DIAPH3: variants seen among roughly 807,000 people sequenced by gnomAD.
The protein encoded by DIAPH3 is diaphanous related formin 3.
DIAPH3 carries 117 observed loss-of-function variants against 144.3 expected under a neutral mutation model. The observed-to-expected ratio is 0.81, with a 90% CI of 0.70 to 0.95. The LOEUF (loss-of-function observed/expected upper bound fraction) is 0.95, where lower values mean the gene tolerates loss of function less well. Ranked by LOEUF, DIAPH3 falls within the 40% of genes least tolerant of loss-of-function variation. The pLI is 0.00. For synonymous variants in DIAPH3, 519 were observed against 488.9 expected (o/e 1.06, Z -0.81); for missense variants, 1,421 against 1,412.7 (o/e 1.01, Z -0.09).
At chr13:60,023,225 C>G (rs1015636622) in intron 5 of DIAPH3, among the ~76,000 whole-genome samples, 1 of 151,154 alleles carries the variant, frequency 6.6e-6, no homozygotes, top group Non-Finnish European at 1.5e-5. Flanking sequence ...AGTCAGAGGG[C>G]CATCCAAATT....
At chr13:60,145,226 G>A (rs984791414) in intron 1 of DIAPH3, among the ~76,000 whole-genome samples, 2 of 152,150 alleles carry the variant, frequency 1.3e-5, no homozygotes, top group African/African-American at 4.8e-5. Flanking sequence ...ACTATGATGG[G>A]ACAGCCAGCT....
Position 59,894,572 on chromosome 13 carries a change from G to GC in DIAPH3, c.2368-15105dup, listed in dbSNP as rs796995456. Among the ~76,000 whole-genome samples, 95 of 93,718 alleles carry GC rather than the reference G, an allele frequency of 1.0e-3. 1 individual carries two copies. The highest frequency in any genetic ancestry group is 3.4e-3 in the African/African-American group (77 of 22,656). 61.5% of individuals were successfully genotyped at this position (93,718 alleles called of 152,430 possible). A position where few individuals can be genotyped will look rare whatever the true frequency, so the allele number is the denominator to read the frequency against. The stretch of plus-strand genomic sequence containing the variant: ...GAAGAAAAGGAAAGAAGTCTCCCCT[G>GC]CCCCCCCACCCCTCAAAAGCACATA... On this transcript the variant is annotated intron_variant, in intron 20 of 27. Coordinates refer to ENST00000400324, the MANE Select transcript of DIAPH3 (RefSeq NM_001042517.2).
chr13:60,111,245 G>A (rs2058559866), intron 3 of DIAPH3, among the ~76,000 whole-genome samples: 1 of 152,114 alleles, frequency 6.6e-6, no homozygotes, highest in South Asian at 2.1e-4. Context: ...CCAGAAAAAG[G>A]TTAGGCATCC....
intron 27 of DIAPH3, among the ~76,000 whole-genome samples, chr13:59,678,309 C>G (rs887349471): frequency 6.6e-6 from 1 of 151,852 alleles, no homozygotes; most frequent in East Asian, 1.9e-4. Flanking sequence ...TCATGTATTT[C>G]TAGAAAATGA....
chr13:59,916,222 G>A lies in DIAPH3; in HGVS notation c.2198C>T (p.Pro733Leu). 6.2e-7 allele frequency: 1 copy of A among 1,613,164 alleles called. No individual in the cohort carries two copies. Among genetic ancestry groups the A allele is most frequent in the Non-Finnish European group, 8.5e-7 (1 of 1,179,454 alleles). Residue 733 changes from proline to leucine, a missense_variant, in exon 19 of 28, where the codon CCA becomes CTA. Coordinates refer to ENST00000400324, the MANE Select transcript of DIAPH3 (RefSeq NM_001042517.2). ...TATCATCATTCTGATTTCCTCATAT[G>A]GCACCCGAAAAGAGCTCAGGAAGAT... ...LSIFLSSFRV[P>L]YEEIRMMILE...
chr13:59,987,971 T>C (rs1414949536), intron 12 of DIAPH3, among the ~76,000 whole-genome samples: 1 of 151,868 alleles, frequency 6.6e-6, no homozygotes, highest in African/African-American at 2.4e-5. Flanking sequence ...TAATGACTTT[T>C]AACATACTTT....
In DIAPH3 at chr13:59,810,685, G is replaced by T. The variant is rs561798248; in HGVS notation, c.3163+103C>A. 1.9e-4 allele frequency: 230 copies of T among 1,223,494 alleles called. No individual in the cohort carries two copies. The African/African-American group carries it at 3.1e-3, about 17-fold the overall frequency. 75.8% of individuals were successfully genotyped at this position (1,223,494 alleles called of 1,614,324 possible). On this transcript the variant is annotated intron_variant, in intron 25 of 27. Coordinates refer to ENST00000400324, the MANE Select transcript of DIAPH3 (RefSeq NM_001042517.2). ...CTATGGTTTAATTACAGAAACAAGT[G>T]GTTGTATTTTCCTTTTTCACTAAGT...
intron 20 of DIAPH3, among the ~76,000 whole-genome samples, chr13:59,898,134 C>CAAAAAAAAAAAAAAAAAAAAAAAAA (rs34238599): frequency 7.8e-4 from 56 of 72,166 alleles, no homozygotes; most frequent in Middle Eastern, 0.019. Context: ...GACTCTGCCT[C>CAAAAAAAAAAAAAAAAAAAAAAAAA]AAAAAAAAAA....
At chr13:60,104,592 A>ACACACACACT (rs1334152263) in intron 3 of DIAPH3, among the ~76,000 whole-genome samples, 2 of 151,816 alleles carry the variant, frequency 1.3e-5, no homozygotes, top group African/African-American at 4.8e-5. Context: ...ACACACACAC[A>ACACACACACT]CACGATGAGA....
intron 18 of DIAPH3, 140 bp from the exon 19 acceptor site, chr13:59,916,389 T>C (rs779168042): frequency 2.9e-6 from 2 of 693,332 alleles, no homozygotes; most frequent in Non-Finnish European, 5.0e-6. Flanking sequence ...GGGGGAAACA[T>C]ATTATGGGGG....
At chr13:59,720,875 T>C (rs1474754776) in intron 27 of DIAPH3, among the ~76,000 whole-genome samples, 1 of 152,202 alleles carries the variant, frequency 6.6e-6, no homozygotes, top group African/African-American at 2.4e-5. Flanking sequence ...ATTCACTGAC[T>C]ATCTGGCATA....
chr13:59,840,079 G>C (rs568128953), intron 22 of DIAPH3, among the ~76,000 whole-genome samples: 16 of 152,198 alleles, frequency 1.1e-4, no homozygotes, highest in African/African-American at 3.9e-4. Context: ...GTCACTATGA[G>C]AATATACTAG....
In DIAPH3 at chr13:59,727,678, T is replaced by C. The variant is rs190634498; in HGVS notation, c.3319+46511A>G. Among the ~76,000 whole-genome samples, 75 of 152,318 alleles carry C rather than the reference T, an allele frequency of 4.9e-4. No individual in the cohort carries two copies. In the East Asian group the frequency reaches 0.014, roughly 28 times the overall value. ...TCTAGAGTAGGAGCTATATAAGCATTGGCTCTTATTTCTATGGTTAGGAAG... is the reference window on the plus strand; with the variant it reads ...TCTAGAGTAGGAGCTATATAAGCATCGGCTCTTATTTCTATGGTTAGGAAG... On this transcript the variant is annotated intron_variant, in intron 27 of 27. Transcript: ENST00000400324.
intron 4 of DIAPH3, among the ~76,000 whole-genome samples, chr13:60,068,820 T>A (rs1364972326): frequency 2.0e-5 from 3 of 152,234 alleles, no homozygotes; most frequent in Non-Finnish European, 2.9e-5. Flanking sequence ...GATCATGATT[T>A]CATTCTTTTT....
intron 4 of DIAPH3, among the ~76,000 whole-genome samples, chr13:60,045,403 G>A (rs773781796): frequency 3.5e-4 from 53 of 151,978 alleles, no homozygotes; most frequent in East Asian, 5.8e-4. Context: ...TATTAGCAGC[G>A]CGAGAAAAAA....
intron 21 of DIAPH3, among the ~76,000 whole-genome samples, chr13:59,869,440 G>C (rs1049465652): frequency 6.6e-6 from 1 of 152,170 alleles, no homozygotes; most frequent in Non-Finnish European, 1.5e-5. Context: ...GGCCATCAAA[G>C]GAATGAAGAC....
At chr13:59,989,183 T>C (rs1417742036) in intron 12 of DIAPH3, among the ~76,000 whole-genome samples, 2 of 151,706 alleles carry the variant, frequency 1.3e-5, no homozygotes, top group Non-Finnish European at 2.9e-5. Context: ...GAGGTCCTTC[T>C]GAGGTAGATG....
At chr13:59,854,111 G>A (rs577924679) in intron 22 of DIAPH3, among the ~76,000 whole-genome samples, 19 of 152,176 alleles carry the variant, frequency 1.2e-4, no homozygotes, top group East Asian at 7.7e-4. Context: ...TGAGGACCCC[G>A]AGAGACATGG....
At chr13:59,850,930 C>T (rs1012540821) in intron 22 of DIAPH3, among the ~76,000 whole-genome samples, 3 of 147,060 alleles carry the variant, frequency 2.0e-5, no homozygotes, top group Admixed American at 1.4e-4. Context: ...GATTCACAGC[C>T]GAATTCTACC....
Sources: allele counts gnomAD v4.1 joint callset (sites outside exome capture counted in the v4.1 genomes callset), GRCh38; gene constraint gnomAD v4.1.1; transcripts MANE v1.5; gene names NCBI Gene and HGNC (gene_info 2026-07-23, HGNC 2026-07-21).